Variants in LOC128462377 observed in about 807,000 individuals in gnomAD.
the LOC128462377 span, among the ~76,000 whole-genome samples, chr16:89,386,050 G>C: frequency 1.3e-5 from 2 of 152,318 alleles, no homozygotes; most frequent in Admixed American, 6.5e-5. Flanking sequence ...CGCAAACTGG[G>C]TCCAATTTGT....
chr16:89,319,223 C>T, the LOC128462377 span, among the ~76,000 whole-genome samples: 48 of 152,374 alleles, frequency 3.2e-4, no homozygotes, highest in African/African-American at 1.0e-3. Context: ...GCGCAGACCC[C>T]ACGGCCTCCG....
the LOC128462377 span, among the ~76,000 whole-genome samples, chr16:89,347,172 G>A: frequency 6.6e-6 from 1 of 152,212 alleles, no homozygotes; most frequent in Non-Finnish European, 1.5e-5. Context: ...AAATGGAAAT[G>A]TGAATGAAAA....
the LOC128462377 span, among the ~76,000 whole-genome samples, chr16:89,404,213 A>G: frequency 6.6e-5 from 10 of 152,316 alleles, no homozygotes; most frequent in East Asian, 1.9e-3. Flanking sequence ...TTGAGAGGGG[A>G]AGCCCAGTTT....
the LOC128462377 span, among the ~76,000 whole-genome samples, chr16:89,381,655 G>A: frequency 1.3e-5 from 2 of 152,262 alleles, no homozygotes; most frequent in South Asian, 2.1e-4. Flanking sequence ...TCACAAATGC[G>A]CATCACAGAA....
At chr16:89,384,879 C>CTTTTTTTTTTTTTT in the LOC128462377 span, among the ~76,000 whole-genome samples, 219 of 49,920 alleles carry the variant, frequency 4.4e-3, 42 homozygotes, top group Middle Eastern at 0.019. Flanking sequence ...AAATAGTTTT[C>CTTTTTTTTTTTTTT]TTTTTTTTTT....
chr16:89,317,200 G>T, the LOC128462377 span: 3 of 764,382 alleles, frequency 3.9e-6, no homozygotes, highest in East Asian at 8.0e-5. Context: ...GATCAGGGCT[G>T]GGGCCCGGGC....
chr16:89,391,734 G>A, the LOC128462377 span, among the ~76,000 whole-genome samples: 1 of 152,194 alleles, frequency 6.6e-6, no homozygotes, highest in Non-Finnish European at 1.5e-5. Context: ...CTTGTAAGAA[G>A]TAAAGCAGAG....
the LOC128462377 span, among the ~76,000 whole-genome samples, chr16:89,377,130 C>T: frequency 7.2e-5 from 11 of 152,208 alleles, no homozygotes; most frequent in African/African-American, 2.7e-4. Flanking sequence ...CCCAGAACCC[C>T]GTGAGTTCAA....
the LOC128462377 span, among the ~76,000 whole-genome samples, chr16:89,368,058 T>C: frequency 6.6e-6 from 1 of 152,190 alleles, no homozygotes; most frequent in African/African-American, 2.4e-5. Context: ...CTGTGCTCCG[T>C]TTATCTGAAA....
At chr16:89,358,825 C>T in the LOC128462377 span, among the ~76,000 whole-genome samples, 1 of 151,882 alleles carries the variant, frequency 6.6e-6, no homozygotes, top group Non-Finnish European at 1.5e-5. Flanking sequence ...TTGTTTTTTG[C>T]CTGTAGGTTT....
the LOC128462377 span, among the ~76,000 whole-genome samples, chr16:89,387,692 G>GA: frequency 0.04 from 2,701 of 67,472 alleles, 52 homozygotes; most frequent in East Asian, 0.1. Flanking sequence ...AAAAGAAAAA[G>GA]AAAAAAAAAA....
At chr16:89,393,338 G>T in the LOC128462377 span, among the ~76,000 whole-genome samples, 3 of 148,508 alleles carry the variant, frequency 2.0e-5, no homozygotes, top group East Asian at 1.9e-4. Flanking sequence ...TGAGACGGAG[G>T]CTTGCTCTGT....
the LOC128462377 span, among the ~76,000 whole-genome samples, chr16:89,363,483 A>T: frequency 4.1e-3 from 112 of 27,044 alleles, 1 homozygote; most frequent in East Asian, 0.053. Context: ...AATAAAATTA[A>T]AAAAAAAAAA....
the LOC128462377 span, among the ~76,000 whole-genome samples, chr16:89,406,905 G>C: frequency 1.3e-5 from 2 of 152,202 alleles, no homozygotes; most frequent in African/African-American, 4.8e-5. Flanking sequence ...CAGGCCGGAC[G>C]TGGTGGCTCA....
the LOC128462377 span, among the ~76,000 whole-genome samples, chr16:89,405,674 A>C: frequency 6.6e-6 from 1 of 152,016 alleles, no homozygotes; most frequent in Non-Finnish European, 1.5e-5. Flanking sequence ...ACTGCTGCAG[A>C]TAAGGCATGT....
At chr16:89,335,539 C>T in the LOC128462377 span, among the ~76,000 whole-genome samples, 2 of 152,218 alleles carry the variant, frequency 1.3e-5, no homozygotes, top group African/African-American at 4.8e-5. Flanking sequence ...CCCATGAAAG[C>T]CTGTGCGTGC....
chr16:89,352,532 G>A, the LOC128462377 span, among the ~76,000 whole-genome samples: 93 of 152,284 alleles, frequency 6.1e-4, no homozygotes, highest in African/African-American at 2.1e-3. Flanking sequence ...CACAGTGAGC[G>A]AGCCCTGCCC....
At chr16:89,407,418 C>T in the LOC128462377 span, among the ~76,000 whole-genome samples, 2 of 152,214 alleles carry the variant, frequency 1.3e-5, no homozygotes, top group South Asian at 2.1e-4. Flanking sequence ...GCTGCCTCCC[C>T]AGGCCCTTCC....
the LOC128462377 span, among the ~76,000 whole-genome samples, chr16:89,407,875 A>C: frequency 1.4e-5 from 2 of 147,538 alleles, no homozygotes; most frequent in African/African-American, 5.0e-5. Flanking sequence ...AAAAAAAAAG[A>C]AGAAGAAGAA....
Sources: gnomAD v4.1 joint callset for allele counts (sites outside exome capture counted in the v4.1 genomes callset) on GRCh38, gnomAD v4.1.1 for gene constraint, MANE v1.5 for transcripts.